Variants in SLC29A4 observed in about 807,000 individuals in gnomAD.
SLC29A4 encodes solute carrier family 29 member 4.
Under a neutral mutation model 43.9 loss-of-function variants are expected in SLC29A4, and 36 were observed. That is an observed-to-expected ratio of 0.82 (90% CI 0.63 to 1.08). The LOEUF (loss-of-function observed/expected upper bound fraction) is 1.08. SLC29A4 is among the 50% of genes least tolerant of loss of function. SLC29A4 has a pLI of 0.00. For synonymous variants in SLC29A4, 491 were observed against 338.0 expected (o/e 1.45, Z -4.97); for missense variants, 869 against 755.3 (o/e 1.15, Z -1.77).
chr7:5,292,964 G>A (rs938793920), intron 5 of SLC29A4, among the ~76,000 whole-genome samples: 5 of 150,818 alleles, frequency 3.3e-5, no homozygotes, highest in Non-Finnish European at 7.4e-5. Flanking sequence ...CTCCCAAAGT[G>A]CTGGTATTAC....
At chr7:5,286,183 C>T (rs1485009997) in intron 1 of SLC29A4, among the ~76,000 whole-genome samples, 3 of 152,044 alleles carry the variant, frequency 2.0e-5, no homozygotes, top group Non-Finnish European at 4.4e-5. Flanking sequence ...CTCCCTACGA[C>T]GAGCACAGAT....
At chr7:5,299,761 A>C (rs899271911) in intron 9 of SLC29A4, among the ~76,000 whole-genome samples, 12 of 152,206 alleles carry the variant, frequency 7.9e-5, no homozygotes, top group African/African-American at 2.9e-4. Flanking sequence ...GAAATGGCTC[A>C]AAGAAATGGC....
Position 5,302,964 on chromosome 7 carries a change from C to G in SLC29A4, c.*25C>G. The stretch of plus-strand genomic sequence containing the variant: ...AGCCAGCCCCGCCCACTGCCAGGGA[C>G]GCCGAGGGCCTGACCAGGGGCCCCG... On this transcript the variant is annotated 3_prime_UTR_variant, in exon 11 of 11. Coordinates refer to ENST00000396872, the MANE Select transcript of SLC29A4 (RefSeq NM_153247.4). 6.3e-7 allele frequency: 1 copy of G among 1,597,162 alleles called. No homozygotes were observed.
In SLC29A4 at chr7:5,284,050, G is replaced by A. The variant is rs1488769256; in HGVS notation, c.-9+968G>A. 2.2e-4 allele frequency among the ~76,000 whole-genome samples: 11 copies of A among 50,048 alleles called. No individual in the cohort carries two copies. In the Admixed American group the frequency reaches 2.7e-3, roughly 12 times the overall value. The allele number at this position is 50,048 out of a possible 152,430, so 32.8% of individuals were successfully genotyped here. A position where few individuals can be genotyped will look rare whatever the true frequency, so the allele number is the denominator to read the frequency against. On this transcript the variant is annotated intron_variant, in intron 1 of 10. Coordinates refer to ENST00000396872, the MANE Select transcript of SLC29A4 (RefSeq NM_153247.4). Reference sequence around the variant, plus strand: ...CTGCACGACCCCCCCCCCCACCCCCGACTTGGCCTCTCTGTGCCTCAGTCG... The same window carrying A: ...CTGCACGACCCCCCCCCCCACCCCCAACTTGGCCTCTCTGTGCCTCAGTCG...
In SLC29A4 at chr7:5,297,064, C is replaced by G; in HGVS notation, c.748C>G (p.Leu250Val). 6.2e-7 allele frequency: 1 copy of G among 1,608,098 alleles called. No homozygotes were observed. Among genetic ancestry groups the G allele is most frequent in the Non-Finnish European group, 8.5e-7 (1 of 1,179,788 alleles). The change falls in exon 7 of 11, where the codon CTG becomes GTG. Residue 250 changes from leucine to valine, a missense_variant. Transcript: ENST00000396872. ...ALELLCFLLH[L>V]LVRRSRFVLF... ...GGAGCTGCTGTGTTTCCTGCTGCAC[C>G]TGTTAGTGCGGCGCAGCCGCTTCGT...
rs1233425670 is a variant in SLC29A4 at position 5,303,166 on chromosome 7, G to C, written c.*227G>C. 6.6e-6 allele frequency: 4 copies of C among 601,738 alleles called. No homozygotes were observed. Among genetic ancestry groups the C allele is most frequent in the Non-Finnish European group, 1.2e-5 (4 of 343,490 alleles). The allele number at this position is 601,738 out of a possible 1,614,324, so 37.3% of individuals were successfully genotyped here. A position where few individuals can be genotyped will look rare whatever the true frequency, so the allele number is the denominator to read the frequency against. On this transcript the variant is annotated 3_prime_UTR_variant, in exon 11 of 11. Transcript: ENST00000396872. ...GCGACCCGGGGCTCTGGCCAGCACT[G>C]TGTTCTGCGTTTGGTCTCATACCTG...
chr7:5,291,659 C>A (rs1391019828), intron 4 of SLC29A4, 34 bp from the exon 5 acceptor site: 1 of 1,556,916 alleles, frequency 6.4e-7, no homozygotes, highest in Non-Finnish European at 8.7e-7. Context: ...CCAGTTGGCT[C>A]CACCACTCCC....
chr7:5,301,518 A>C (rs1273882235), intron 10 of SLC29A4, among the ~76,000 whole-genome samples: 1 of 152,136 alleles, frequency 6.6e-6, no homozygotes, highest in African/African-American at 2.4e-5. Flanking sequence ...GCATGTGCAA[A>C]GATCCTGCGG....
Position 5,302,910 on chromosome 7 carries a change from G to C in SLC29A4, c.1564G>C (p.Ala522Pro), listed in dbSNP as rs368286409. The C allele has an allele frequency of 6.2e-7, 1 of 1,607,778 alleles. No individual in the cohort carries two copies. Reference sequence around the variant, plus strand: ...CGGCAGCTGCCTGCACGCCTCCACCGCCAATGGTTCCATCCTCGCAGGCCT... The same window carrying C: ...CGGCAGCTGCCTGCACGCCTCCACCCCCAATGGTTCCATCCTCGCAGGCCT... ...AHGSCLHAST[A>P]NGSILAGL Residue 522 changes from alanine to proline, a missense_variant, in exon 11 of 11, where the codon GCC becomes CCC. Ala to Pro is a conservative substitution (Grantham distance 27, BLOSUM62 -1). Transcript: ENST00000396872.
At chr7:5,283,208 C>T (rs1297189801) in intron 1 of SLC29A4, 126 bp downstream of exon 1, 4 of 150,426 alleles carry the variant, frequency 2.7e-5, no homozygotes, top group Non-Finnish European at 5.9e-5. Flanking sequence ...CCCCAGCCCG[C>T]CCCTGTCCCG....
chr7:5,299,153 C>A (rs546381141), intron 8 of SLC29A4, 27 bp downstream of exon 8: 1 of 1,602,152 alleles, frequency 6.2e-7, no homozygotes, highest in Admixed American at 1.7e-5. Context: ...CTCTGCTGCC[C>A]TGGCTCTGGC....
chr7:5,292,815 C>A (rs1785392903), intron 5 of SLC29A4, among the ~76,000 whole-genome samples: 1 of 145,758 alleles, frequency 6.9e-6, no homozygotes, highest in Admixed American at 7.0e-5. Flanking sequence ...TCTCCTGTCT[C>A]AGCCTCCCAA....
chr7:5,295,214 C>T (rs529809596), intron 6 of SLC29A4, among the ~76,000 whole-genome samples: 6 of 152,102 alleles, frequency 3.9e-5, no homozygotes, highest in Non-Finnish European at 7.4e-5. Context: ...TGTCTCTGAG[C>T]ATGTGGCTGG....
rs543678406 is a variant in SLC29A4, at chr7:5,303,391, A to G, written c.*452A>G. On this transcript the variant is annotated 3_prime_UTR_variant, in exon 11 of 11. Coordinates refer to ENST00000396872, the MANE Select transcript of SLC29A4 (RefSeq NM_153247.4). ...CAGCCTCCACCAGGGACCCCTCCTC[A>G]TGAACTCTGGAGCCCTGAGAGGAGA... The G allele has an allele frequency of 3.9e-5, 8 of 205,146 alleles. 1 individual carries two copies. In the South Asian group the frequency reaches 5.7e-4, roughly 15 times the overall value. 12.7% of individuals were successfully genotyped at this position (205,146 alleles called of 1,614,324 possible).
At chr7:5,289,233 C>T (rs1189863571) in intron 2 of SLC29A4, among the ~76,000 whole-genome samples, 2 of 151,888 alleles carry the variant, frequency 1.3e-5, no homozygotes, top group East Asian at 1.9e-4. Flanking sequence ...CTCGTCTGTA[C>T]AAAAAATACA....
chr7:5,298,705 T>TGG (rs1785893209), intron 7 of SLC29A4, among the ~76,000 whole-genome samples: 1 of 152,022 alleles, frequency 6.6e-6, no homozygotes, highest in Admixed American at 6.6e-5. Flanking sequence ...GAGGCTGAGG[T>TGG]GGGAGGATTG....
chr7:5,285,605 G>C (rs10807939), intron 1 of SLC29A4, among the ~76,000 whole-genome samples: 73,574 of 151,950 alleles, frequency 0.48, 18,042 homozygotes, highest in African/African-American at 0.5. Flanking sequence ...AACTGATCAT[G>C]AAAACCTGCC....
At chr7:5,285,739 C>T (rs1223484091) in intron 1 of SLC29A4, among the ~76,000 whole-genome samples, 3 of 152,168 alleles carry the variant, frequency 2.0e-5, no homozygotes, top group Non-Finnish European at 4.4e-5. Context: ...GGGCTGAGCG[C>T]AGTGGCTCAT....
chr7:5,293,998 C>T (rs1460182267), intron 5 of SLC29A4, among the ~76,000 whole-genome samples: 2 of 150,406 alleles, frequency 1.3e-5, no homozygotes, highest in South Asian at 4.4e-4. Flanking sequence ...CCCAGTTACT[C>T]GGGAGGCTGA....
Sources: gnomAD v4.1 joint callset for allele counts (sites outside exome capture counted in the v4.1 genomes callset) on GRCh38, gnomAD v4.1.1 for gene constraint, MANE v1.5 for transcripts, NCBI Gene and HGNC (gene_info 2026-07-23, HGNC 2026-07-21) for gene names.